FMNL3: variants seen among roughly 807,000 people sequenced by gnomAD.
FMNL3 encodes the protein formin like 3.
FMNL3 carries 57 observed loss-of-function variants against 119.6 expected under a neutral mutation model. That is an observed-to-expected ratio of 0.48 (90% CI 0.39 to 0.59). The LOEUF (loss-of-function observed/expected upper bound fraction) is 0.59, where lower values mean the gene tolerates loss of function less well. Ranked by LOEUF, FMNL3 falls within the 20% of genes least tolerant of loss-of-function variation. The pLI is 0.00. For missense variants in FMNL3, 1,053 were observed against 1,323.5 expected (o/e 0.80, Z 3.17); for synonymous variants, 491 against 507.3 (o/e 0.97, Z 0.43).
intron 6 of FMNL3, 56 bp downstream of exon 6, chr12:49,658,386 G>T: frequency 6.5e-7 from 1 of 1,533,142 alleles, no homozygotes; most frequent in Non-Finnish European, 8.8e-7. Context: ...CTGAACCCGA[G>T]ACCTGCACTG....
In FMNL3 at chr12:49,637,590, G is replaced by A; in HGVS notation, c.*8225C>T. The A allele has an allele frequency of 6.2e-7, 1 of 1,612,166 alleles. No individual in the cohort carries two copies. The highest frequency in any genetic ancestry group is 8.5e-7 in the Non-Finnish European group (1 of 1,179,000). On this transcript the variant is annotated 3_prime_UTR_variant, in exon 26 of 26. Transcript: ENST00000335154. ...CAACATGCTGGGCCAGCCGGGTAAGGCAGCCAGGCTCCCCCTTCTCTGGCC... is the reference window on the plus strand; with the variant it reads ...CAACATGCTGGGCCAGCCGGGTAAGACAGCCAGGCTCCCCCTTCTCTGGCC...
chr12:49,641,247 GC>G lies in FMNL3; in HGVS notation c.*4567del, dbSNP rs1310750784. The G allele has an allele frequency of 6.6e-6, 1 of 152,302 alleles. No homozygotes were observed. Among genetic ancestry groups the G allele is most frequent in the Non-Finnish European group, 1.5e-5 (1 of 68,120 alleles). 9.4% of individuals were successfully genotyped at this position (152,302 alleles called of 1,614,324 possible). On this transcript the variant is annotated 3_prime_UTR_variant, in exon 26 of 26. Coordinates refer to ENST00000335154, the MANE Select transcript of FMNL3 (RefSeq NM_175736.5). Reference sequence around the variant, plus strand: ...TTGGTGGGGAGCTGCACACCTGGTGGCCTCCGTTTCTCCCATGGACTAAGTC... The same window carrying G: ...TTGGTGGGGAGCTGCACACCTGGTGGCTCCGTTTCTCCCATGGACTAAGTC...
Position 49,639,976 on chromosome 12 carries a change from G to A in FMNL3, c.*5839C>T, listed in dbSNP as rs1011206125. On this transcript the variant is annotated 3_prime_UTR_variant, in exon 26 of 26. Coordinates refer to ENST00000335154, the MANE Select transcript of FMNL3 (RefSeq NM_175736.5). ...ATTAACTTTTAGCCACAGAGTGGCT[G>A]GTTGATAGGCCTGTAGGGGCCTATC... 4 of 152,236 alleles carry A rather than the reference G, an allele frequency of 2.6e-5. No homozygotes were observed. The highest frequency in any genetic ancestry group is 2.6e-4 in the Admixed American group (4 of 15,288). The allele number at this position is 152,236 out of a possible 1,614,324, so 9.4% of individuals were successfully genotyped here.
At chr12:49,653,388 TG>T in intron 12 of FMNL3, 61 bp from the exon 13 acceptor site, 1 of 1,550,330 alleles carries the variant, frequency 6.5e-7, no homozygotes, top group South Asian at 1.1e-5. Flanking sequence ...CAGCACAGCC[TG>T]AACCCTAGTC....
chr12:49,693,662 T>TTTTTTTTTTTTTTTTTTTTTTTTTTTTG (rs1944673719), intron 1 of FMNL3, among the ~76,000 whole-genome samples: 1 of 140,820 alleles, frequency 7.1e-6, no homozygotes, highest in African/African-American at 2.7e-5. Context: ...TTTTTTTTTT[T>TTTTTTTTTTTTTTTTTTTTTTTTTTTTG]TTTGAGACAG....
In FMNL3 at chr12:49,652,027, C is replaced by T. The variant is rs759446858; in HGVS notation, c.1509G>A (p.Leu503=). 3 of 1,608,588 alleles carry T rather than the reference C, an allele frequency of 1.9e-6. No homozygotes were observed. The highest frequency in any genetic ancestry group is 1.7e-5 in the Admixed American group (1 of 59,300). The change falls in exon 14 of 26, where the codon CTG becomes CTA. Residue 503 remains leucine, a synonymous_variant. Transcript: ENST00000335154. ...ELSEGMPPSD[L]DLLAPAPPPE... is the part of the protein sequence containing the mutation. ...GGGGTGGGGCTGGAGCCAGAAGGTC[C>T]AGGTCGGAGGGTGGCATGCCCTCAC...
intron 13 of FMNL3, 58 bp from the exon 14 acceptor site, chr12:49,652,270 C>G (rs772050765): frequency 1.3e-6 from 2 of 1,552,206 alleles, no homozygotes. Context: ...GTCATTGCCC[C>G]AAGAGTGAGA....
chr12:49,639,693 AAG>A lies in FMNL3; in HGVS notation c.*6120_*6121del, dbSNP rs1334833010. 1.3e-5 allele frequency: 2 copies of A among 152,210 alleles called. No individual in the cohort carries two copies. The highest frequency in any genetic ancestry group is 6.5e-5 in the Admixed American group (1 of 15,278). The allele number at this position is 152,210 out of a possible 1,614,324, so 9.4% of individuals were successfully genotyped here. ...AACTGTTTCTGCTGTTTAAAAAAAA[AAG>A]GGAGAATTCAACACCAGTGGGATAG... On this transcript the variant is annotated 3_prime_UTR_variant, in exon 26 of 26. Coordinates refer to ENST00000335154, the MANE Select transcript of FMNL3 (RefSeq NM_175736.5).
intron 9 of FMNL3, 72 bp downstream of exon 9, chr12:49,656,332 T>A: frequency 8.2e-7 from 1 of 1,219,090 alleles, no homozygotes; most frequent in Non-Finnish European, 1.2e-6. Flanking sequence ...CAGGAAATGG[T>A]GCTTACCAAC....
rs755258571 is a variant in FMNL3, at chr12:49,644,157, C to T, written c.*1658G>A. 41 of 1,613,970 alleles carry T rather than the reference C, an allele frequency of 2.5e-5. No homozygotes were observed. In the Admixed American group the frequency reaches 2.7e-4, roughly 10 times the overall value. On this transcript the variant is annotated 3_prime_UTR_variant, in exon 26 of 26. Transcript: ENST00000335154. ...TGAGGGTGAGCTGGAGAGGCGGCGG[C>T]GGACACTCCTACAGCAGCTGGATGA... is the stretch of plus-strand genomic sequence containing the variant.
intron 1 of FMNL3, among the ~76,000 whole-genome samples, chr12:49,682,058 A>C (rs532010418): frequency 4.0e-5 from 6 of 151,680 alleles, no homozygotes; most frequent in Non-Finnish European, 7.4e-5. Flanking sequence ...GCAAAATACA[A>C]ATACAATTTC....
intron 1 of FMNL3, among the ~76,000 whole-genome samples, chr12:49,692,990 G>GAACGA (rs1257976488): frequency 6.6e-6 from 1 of 152,186 alleles, no homozygotes; most frequent in East Asian, 1.9e-4. Flanking sequence ...AGCTTGTCCT[G>GAACGA]AACGAAAGAG....
chr12:49,642,573 G>T lies in FMNL3; in HGVS notation c.*3242C>A. ...TAGTCTGATCAGCAGTGCTCTCCTCGTTCAAGGTCCGTGAGCGTTTTGTGT... is the reference window on the plus strand; with the variant it reads ...TAGTCTGATCAGCAGTGCTCTCCTCTTTCAAGGTCCGTGAGCGTTTTGTGT... On this transcript the variant is annotated 3_prime_UTR_variant, in exon 26 of 26. Coordinates refer to ENST00000335154, the MANE Select transcript of FMNL3 (RefSeq NM_175736.5). This position sits in a 1 kb window ranked among gnomAD's most constrained non-coding sequence, Gnocchi z 5.8. The T allele has an allele frequency of 6.2e-7, 1 of 1,614,174 alleles. No individual in the cohort carries two copies. The highest frequency in any genetic ancestry group is 8.5e-7 in the Non-Finnish European group (1 of 1,180,014).
chr12:49,642,636 G>C lies in FMNL3; in HGVS notation c.*3179C>G. 1 of 1,614,224 alleles carries C rather than the reference G, an allele frequency of 6.2e-7. No homozygotes were observed. Among genetic ancestry groups the C allele is most frequent in the Non-Finnish European group, 8.5e-7 (1 of 1,180,036 alleles). ...TTGAGCAGATCACCCTGGAGTCGGA[G>C]CGGATCCGGCTCTTCCGGGAGTTCC... is the stretch of plus-strand genomic sequence containing the variant. On this transcript the variant is annotated 3_prime_UTR_variant, in exon 26 of 26. Transcript: ENST00000335154. The surrounding 1 kb of genome is among the most constrained non-coding windows in gnomAD (Gnocchi z 5.8).
chr12:49,656,442 G>A lies in FMNL3; in HGVS notation c.847C>T (p.His283Tyr), dbSNP rs1404190555. 2 of 1,614,064 alleles carry A rather than the reference G, an allele frequency of 1.2e-6. No homozygotes were observed. The highest frequency in any genetic ancestry group is 1.7e-6 in the Non-Finnish European group (2 of 1,179,968). ...LAAVCLVRGGHEIILAAFDNF... is the reference protein window; with the variant it reads ...LAAVCLVRGGYEIILAAFDNF... ...TCAAAGGCAGCAAGGATGATTTCGT[G>A]ACCTCCTCGCACCAAACACACAGCT... The change falls in exon 9 of 26, where the codon CAC becomes TAC. Residue 283 changes from histidine to tyrosine, a missense_variant. His to Tyr is a moderately conservative substitution (Grantham distance 83). Transcript: ENST00000335154.
At chr12:49,654,779 G>A (rs1257604948) in intron 10 of FMNL3, 131 bp downstream of exon 10, 1 of 860,030 alleles carries the variant, frequency 1.2e-6, no homozygotes, top group Admixed American at 2.4e-5. Flanking sequence ...TGGACAAGAA[G>A]CATTTGCTGA....
rs143202963 is a variant in FMNL3, at chr12:49,640,209, C to T, written c.*5606G>A. ...TGGACTTAGAACAGGCAGACAGATC[C>T]GGGTCAGGGAGATCCATGGAGGATG... is the stretch of plus-strand genomic sequence containing the variant. On this transcript the variant is annotated 3_prime_UTR_variant, in exon 26 of 26. Coordinates refer to ENST00000335154, the MANE Select transcript of FMNL3 (RefSeq NM_175736.5). 1 of 152,246 alleles carries T rather than the reference C, an allele frequency of 6.6e-6. No individual in the cohort carries two copies. Among genetic ancestry groups the T allele is most frequent in the Non-Finnish European group, 1.5e-5 (1 of 68,038 alleles). The allele number at this position is 152,246 out of a possible 1,614,324, so 9.4% of individuals were successfully genotyped here.
chr12:49,639,216 T>G lies in FMNL3; in HGVS notation c.*6599A>C, dbSNP rs1942267685. 6.6e-6 allele frequency: 1 copy of G among 152,188 alleles called. No individual in the cohort carries two copies. The highest frequency in any genetic ancestry group is 1.5e-5 in the Non-Finnish European group (1 of 68,032). The allele number at this position is 152,188 out of a possible 1,614,324, so 9.4% of individuals were successfully genotyped here. A position where few individuals can be genotyped will look rare whatever the true frequency, so the allele number is the denominator to read the frequency against. ...CAGTCTAGAGTACGTACTTATGTCCTTAGGGAAGGTGGTGGTGCTAGGTAG... is the reference window on the plus strand; with the variant it reads ...CAGTCTAGAGTACGTACTTATGTCCGTAGGGAAGGTGGTGGTGCTAGGTAG... On this transcript the variant is annotated 3_prime_UTR_variant, in exon 26 of 26. Transcript: ENST00000335154.
chr12:49,661,868 A>G (rs1943742979), intron 5 of FMNL3, 98 bp downstream of exon 5: 1 of 1,175,012 alleles, frequency 8.5e-7, no homozygotes, highest in Non-Finnish European at 1.3e-6. Context: ...TCCCATTTCC[A>G]TCTTCATTGT....
Sources: gnomAD v4.1 joint callset for allele counts (sites outside exome capture counted in the v4.1 genomes callset) on GRCh38, gnomAD v4.1.1 for gene constraint, Gnocchi (gnomAD v3.1) non-coding constraint, MANE v1.5 for transcripts, NCBI Gene and HGNC (gene_info 2026-07-23, HGNC 2026-07-21) for gene names.